The following VOPP1 variants were observed in gnomAD, a reference collection of about 807,000 sequenced individuals.
VOPP1 encodes VOPP1 WW domain binding protein.
Under a neutral mutation model 23.5 loss-of-function variants are expected in VOPP1, and 8 were observed. The observed-to-expected ratio is 0.34, with a 90% confidence interval of 0.20 to 0.61. The LOEUF is 0.61. Among genes scored for constraint, VOPP1 ranks in the 20% least tolerant of loss-of-function variants. The probability of loss-of-function intolerance (pLI) is 0.78; values close to 1 mark genes in which losing one functional copy is unlikely to be tolerated. For synonymous variants in VOPP1, 83 were observed against 97.3 expected, an observed-to-expected ratio of 0.85 and a Z score of 0.86; for missense variants, 174 against 238.1, an observed-to-expected ratio of 0.73 and a Z score of 1.77.
intron 4 of VOPP1, among the ~76,000 whole-genome samples, chr7:55,441,972 C>CTAA (rs1430693534): frequency 6.6e-6 from 1 of 152,198 alleles, no homozygotes; most frequent in Non-Finnish European, 1.5e-5. Flanking sequence ...TCCTCATTCT[C>CTAA]TTTATTGTAA....
downstream of VOPP1, among the ~76,000 whole-genome samples, chr7:55,468,550 A>C (rs1001016980): frequency 6.6e-6 from 1 of 152,226 alleles, no homozygotes; most frequent in Non-Finnish European, 1.5e-5. Flanking sequence ...GGTGGCAGAC[A>C]CACCTCGGAG....
chr7:55,511,077 C>A (rs929251007), intron 2 of VOPP1, among the ~76,000 whole-genome samples: 1 of 152,196 alleles, frequency 6.6e-6, no homozygotes, highest in Non-Finnish European at 1.5e-5. Context: ...TCCAGGTATC[C>A]ACCTTGGTTT....
chr7:55,455,335 T>C (rs1791339789), intron 4 of VOPP1, among the ~76,000 whole-genome samples: 1 of 152,206 alleles, frequency 6.6e-6, no homozygotes, highest in Non-Finnish European at 1.5e-5. Context: ...CATTCCATGC[T>C]CATGGATAGG....
chr7:55,494,034 AC>A (rs1454950071), intron 3 of VOPP1, among the ~76,000 whole-genome samples: 2 of 152,122 alleles, frequency 1.3e-5, no homozygotes, highest in Admixed American at 6.6e-5. Context: ...TGGAAAGAAC[AC>A]AGAGCAGGTA....
chr7:55,557,298 C>A (rs865953507), intron 1 of VOPP1, among the ~76,000 whole-genome samples: 14 of 152,134 alleles, frequency 9.2e-5, no homozygotes, highest in African/African-American at 2.7e-4. Flanking sequence ...GAGCCTGGGG[C>A]AGGGGTGGGA....
chr7:55,566,665 C>A (rs960763097), intron 1 of VOPP1, among the ~76,000 whole-genome samples: 1 of 152,160 alleles, frequency 6.6e-6, no homozygotes, highest in South Asian at 2.1e-4. Context: ...AAAGTCCCAA[C>A]CGAACTTTTT....
chr7:55,569,971 C>T (rs888243231), intron 1 of VOPP1, among the ~76,000 whole-genome samples: 2 of 152,196 alleles, frequency 1.3e-5, no homozygotes, highest in African/African-American at 2.4e-5. Context: ...AATTTATACA[C>T]TGAAACCAGC....
chr7:55,436,686 A>ATGTGCATGCGTGTG (rs1790838903), intron 4 of VOPP1, among the ~76,000 whole-genome samples: 1 of 151,464 alleles, frequency 6.6e-6, no homozygotes, highest in Non-Finnish European at 1.5e-5. Flanking sequence ...GCGTGTGTGC[A>ATGTGCATGCGTGTG]TGTGCATGCG....
chr7:55,568,081 CTTT>C (rs60284804), intron 1 of VOPP1, among the ~76,000 whole-genome samples: 1 of 124,032 alleles, frequency 8.1e-6, no homozygotes, highest in Non-Finnish European at 1.6e-5. Flanking sequence ...ACAACTATTC[CTTT>C]TTTTTTTTTT....
chr7:55,553,599 C>T (rs1797698499), intron 1 of VOPP1, among the ~76,000 whole-genome samples: 1 of 151,954 alleles, frequency 6.6e-6, no homozygotes, highest in Non-Finnish European at 1.5e-5. Flanking sequence ...CTCAACCCTT[C>T]CAGAAGCCCC....
intron 1 of VOPP1, among the ~76,000 whole-genome samples, chr7:55,559,604 G>A (rs180904032): frequency 4.3e-4 from 66 of 152,282 alleles, no homozygotes; most frequent in South Asian, 1.5e-3. Flanking sequence ...CCCTATCTGC[G>A]ATTTAACTTC....
intron 1 of VOPP1, among the ~76,000 whole-genome samples, chr7:55,558,213 A>G (rs1276106457): frequency 6.6e-6 from 1 of 150,398 alleles, no homozygotes; most frequent in Non-Finnish European, 1.5e-5. Context: ...TATGACACAC[A>G]ATAATAATAA....
At position 55,525,632 on chromosome 7, in the gene VOPP1, A is replaced by T. The variant is rs553250203; in HGVS notation, c.55-4502T>A. Among the ~76,000 whole-genome samples, 19 of 152,212 alleles carry T rather than the reference A, an allele frequency of 1.2e-4. No homozygotes were observed. In the South Asian group the frequency reaches 3.9e-3, roughly 32 times the overall value. ...CTGTCCCTAATTGTGTCTTCTCTGG[A>T]ACAAACAACTTCCAAGGTTCATCTT... On this transcript the variant is annotated intron_variant, in intron 1 of 4. Transcript: ENST00000285279.
intron 2 of VOPP1, among the ~76,000 whole-genome samples, chr7:55,513,446 G>A (rs928083697): frequency 6.6e-6 from 1 of 151,906 alleles, no homozygotes; most frequent in African/African-American, 2.4e-5. Flanking sequence ...ATTCCCTATC[G>A]TCTCAGTGGA....
At chr7:55,489,261 T>C (rs1412644385) in intron 4 of VOPP1, among the ~76,000 whole-genome samples, 1 of 152,144 alleles carries the variant, frequency 6.6e-6, no homozygotes, top group Non-Finnish European at 1.5e-5. Flanking sequence ...CTGGATATCC[T>C]GGGATCAGCC....
At chr7:55,457,612 T>TG (rs1562884001) in intron 4 of VOPP1, among the ~76,000 whole-genome samples, 1 of 140,994 alleles carries the variant, frequency 7.1e-6, no homozygotes, top group Non-Finnish European at 1.6e-5. Context: ...TCCATATTGT[T>TG]GCCAGCATTT....
Position 55,498,823 on chromosome 7 carries a change from C to T in VOPP1, c.114-1133G>A, listed in dbSNP as rs527585404. Among the ~76,000 whole-genome samples the T allele has an allele frequency of 5.3e-4, 81 of 152,244 alleles. 1 individual carries two copies. Among genetic ancestry groups the T allele is most frequent in the South Asian group, 2.7e-3 (13 of 4,820 alleles). On this transcript the variant is annotated intron_variant, in intron 2 of 4. Transcript: ENST00000285279. ...GTTAAGATGCAAAGTGAGATAACAG[C>T]GGCCTGGAACTCAGCAGACCCAAGC...
At chr7:55,458,141 T>G (rs192829785) in intron 4 of VOPP1, among the ~76,000 whole-genome samples, 1 of 152,320 alleles carries the variant, frequency 6.6e-6, no homozygotes, top group African/African-American at 2.4e-5. Flanking sequence ...ATTTTGCAGA[T>G]GAATATTCAG....
chr7:55,460,422 A>G (rs1441558226), intron 4 of VOPP1, among the ~76,000 whole-genome samples: 1 of 152,162 alleles, frequency 6.6e-6, no homozygotes, highest in East Asian at 1.9e-4. Context: ...TGTTCTTACT[A>G]AAATCCAGTT....
Sources: gnomAD v4.1 joint callset for allele counts (sites outside exome capture counted in the v4.1 genomes callset) on GRCh38, gnomAD v4.1.1 for gene constraint, MANE v1.5 for transcripts, NCBI Gene and HGNC (gene_info 2026-07-23, HGNC 2026-07-21) for gene names.